Variants in RABL3 observed in about 807,000 individuals in gnomAD.
RABL3 encodes RAB, member of RAS oncogene family like 3.
RABL3 carries 31 observed loss-of-function variants against 31.8 expected under a neutral mutation model. That is an observed-to-expected ratio of 0.97 (90% CI 0.73 to 1.31). The LOEUF (loss-of-function observed/expected upper bound fraction) is 1.31, where lower values mean the gene tolerates loss of function less well. Among genes scored for constraint, RABL3 ranks in the 40% most tolerant of loss-of-function variants. RABL3 has a pLI of 0.00. For synonymous variants in RABL3, 97 were observed against 99.9 expected, an observed-to-expected ratio of 0.97 and a Z score of 0.18; for missense variants, 263 against 279.6, an observed-to-expected ratio of 0.94 and a Z score of 0.42.
intron 4 of RABL3, among the ~76,000 whole-genome samples, chr3:120,702,849 G>A (rs1315762343): frequency 2.0e-5 from 3 of 152,100 alleles, no homozygotes; most frequent in Admixed American, 6.5e-5. Flanking sequence ...GAGCCACCGC[G>A]CCGGGCCCAG....
chr3:120,739,464 T>C (rs1015629978), intron 1 of RABL3, among the ~76,000 whole-genome samples: 1 of 152,168 alleles, frequency 6.6e-6, no homozygotes, highest in African/African-American at 2.4e-5. Context: ...TCATTATGAT[T>C]ATTCTGGCAA....
intron 1 of RABL3, 87 bp downstream of exon 1, chr3:120,742,375 C>T: frequency 7.8e-7 from 1 of 1,278,212 alleles, no homozygotes; most frequent in Non-Finnish European, 1.1e-6. Flanking sequence ...GCCGAGGAGC[C>T]AGGAAGTTGA....
intron 1 of RABL3, among the ~76,000 whole-genome samples, chr3:120,738,978 T>C (rs1192116921): frequency 6.6e-6 from 1 of 152,174 alleles, no homozygotes; most frequent in Non-Finnish European, 1.5e-5. Flanking sequence ...ATAACTTTCA[T>C]GGGGTTATAC....
intron 6 of RABL3, among the ~76,000 whole-genome samples, chr3:120,691,724 T>A (rs1406764529): frequency 2.0e-5 from 3 of 152,200 alleles, no homozygotes; most frequent in African/African-American, 7.2e-5. Flanking sequence ...ATAAGAAAAG[T>A]TAATCGGATA....
chr3:120,738,442 G>A (rs2107599759), intron 1 of RABL3: 1 of 152,524 alleles, frequency 6.6e-6, no homozygotes, highest in Non-Finnish European at 1.5e-5. Flanking sequence ...CTGACTCCTT[G>A]CGCTTCTTTG....
intron 1 of RABL3, among the ~76,000 whole-genome samples, chr3:120,732,929 A>G (rs1489472041): frequency 1.3e-5 from 2 of 152,114 alleles, no homozygotes; most frequent in Non-Finnish European, 2.9e-5. Context: ...TCCATGGTGT[A>G]TATGTGTCAC....
chr3:120,720,067 G>T (rs908625436), intron 2 of RABL3, among the ~76,000 whole-genome samples: 3 of 152,200 alleles, frequency 2.0e-5, no homozygotes, highest in Admixed American at 1.3e-4. Flanking sequence ...TGATACCCAG[G>T]CAAACAGGGT....
intron 2 of RABL3, among the ~76,000 whole-genome samples, chr3:120,717,265 AAACAAAAAAAAAAAC>A (rs1218589868): frequency 1.5e-4 from 20 of 131,924 alleles, no homozygotes; most frequent in African/African-American, 3.1e-4. Context: ...ATCTCAAAAA[AAACAAAAAAAAAAAC>A]AACAAAAAAA....
chr3:120,686,168 G>A lies in RABL3; in HGVS notation c.*3655C>T, dbSNP rs1017934643. Among the ~76,000 whole-genome samples the A allele has an allele frequency of 6.6e-6, 1 of 152,190 alleles. No individual in the cohort carries two copies. The highest frequency in any genetic ancestry group is 6.5e-5 in the Admixed American group (1 of 15,280). ...AGTGATTTAGCTCAGTCTTGGGACT[G>A]CGGAGAAATGAATTTCTAATTTCCT... On this transcript the variant is annotated 3_prime_UTR_variant, in exon 8 of 8. Transcript: ENST00000273375.
intron 2 of RABL3, among the ~76,000 whole-genome samples, chr3:120,726,247 A>G (rs1333078484): frequency 6.6e-6 from 1 of 152,212 alleles, no homozygotes; most frequent in Non-Finnish European, 1.5e-5. Context: ...GGGGTGGAGA[A>G]CATATAAGCC....
intron 4 of RABL3, among the ~76,000 whole-genome samples, chr3:120,700,012 ATC>A (rs1708477234): frequency 6.6e-6 from 1 of 152,174 alleles, no homozygotes; most frequent in Non-Finnish European, 1.5e-5. Flanking sequence ...ATGTACATAC[ATC>A]TCTCATATAG....
At chr3:120,734,895 C>G (rs1184139309) in intron 1 of RABL3, among the ~76,000 whole-genome samples, 1 of 152,112 alleles carries the variant, frequency 6.6e-6, no homozygotes, top group African/African-American at 2.4e-5. Flanking sequence ...GGATGAAGCC[C>G]ACTTGATCAT....
chr3:120,735,222 G>C (rs1205138529), intron 1 of RABL3, among the ~76,000 whole-genome samples: 2 of 91,786 alleles, frequency 2.2e-5, no homozygotes, highest in Non-Finnish European at 6.0e-5. Context: ...CAATTTCCAA[G>C]CCTGTTATTG....
chr3:120,725,388 G>A (rs1708805675), intron 2 of RABL3, among the ~76,000 whole-genome samples: 1 of 152,212 alleles, frequency 6.6e-6, no homozygotes, highest in Admixed American at 6.5e-5. Flanking sequence ...AGTCAGTGTG[G>A]TGATTCCTCA....
rs747998240 is a variant in RABL3, at chr3:120,730,756, T to C, written c.78A>G (p.Leu26=). Residue 26 remains leucine, a synonymous_variant, in exon 2 of 8, where the codon CTA becomes CTG. Coordinates refer to ENST00000273375, the MANE Select transcript of RABL3 (RefSeq NM_173825.5). ...GATTTCCCAGCACTTGATTTTGGCA[T>C]AGGAGATGGACTAACGAAGATTTCC... ...GVGKSSLVHL[L]CQNQVLGNPS... is the part of the protein sequence containing the mutation. 4.3e-6 allele frequency: 7 copies of C among 1,613,856 alleles called. No homozygotes were observed. Among genetic ancestry groups the C allele is most frequent in the East Asian group, 2.2e-5 (1 of 44,854 alleles).
chr3:120,717,257 C>T (rs1009372482), intron 2 of RABL3, among the ~76,000 whole-genome samples: 6 of 140,140 alleles, frequency 4.3e-5, no homozygotes, highest in Admixed American at 1.4e-4. Context: ...AAAACTCCAT[C>T]TCAAAAAAAA....
At chr3:120,723,369 A>T (rs1195746928) in intron 2 of RABL3, among the ~76,000 whole-genome samples, 1 of 152,210 alleles carries the variant, frequency 6.6e-6, no homozygotes, top group Non-Finnish European at 1.5e-5. Context: ...CACCAGAGGT[A>T]CAAGGAGGAG....
chr3:120,707,756 G>A (rs59214663), intron 3 of RABL3, among the ~76,000 whole-genome samples: 1 of 152,092 alleles, frequency 6.6e-6, no homozygotes, highest in South Asian at 2.1e-4. Context: ...CTATTAGATG[G>A]ACAGGGAAGA....
intron 1 of RABL3, among the ~76,000 whole-genome samples, chr3:120,736,454 G>C (rs1168322806): frequency 2.0e-5 from 3 of 152,126 alleles, no homozygotes; most frequent in Non-Finnish European, 4.4e-5. Flanking sequence ...CATGAGCTGG[G>C]TCTCCTGAAT....
Sources: allele counts gnomAD v4.1 joint callset (sites outside exome capture counted in the v4.1 genomes callset), GRCh38; gene constraint gnomAD v4.1.1; transcripts MANE v1.5; gene names NCBI Gene and HGNC (gene_info 2026-07-23, HGNC 2026-07-21).